The following OR9Q2 variants were observed in gnomAD, a reference collection of about 807,000 sequenced individuals.
The protein encoded by OR9Q2 is olfactory receptor 9Q2.
In OR9Q2, 2 loss-of-function variants were observed where a neutral mutation model predicts 2.3. The observed-to-expected ratio is 0.85, with a 90% CI of 0.35 to 2.68. The LOEUF (loss-of-function observed/expected upper bound fraction) is 2.68. Ranked by LOEUF, OR9Q2 falls within the 30% of genes most tolerant of loss-of-function variation. The pLI, the probability that OR9Q2 is intolerant of heterozygous loss-of-function variation, is 0.10. For missense variants in OR9Q2, 404 were observed against 395.7 expected, an observed-to-expected ratio of 1.02 and a Z score of -0.18; for synonymous variants, 178 against 158.6, an observed-to-expected ratio of 1.12 and a Z score of -0.92.
In OR9Q2 at chr11:58,192,962, T is replaced by G. The variant is rs1854778711; in HGVS notation, c.*1527T>G. On this transcript the variant is annotated 3_prime_UTR_variant, in exon 2 of 2. Coordinates refer to ENST00000641291, the MANE Select transcript of OR9Q2 (RefSeq NM_001005283.3). ...GGCACCAAAGTGTCCAGTCTGCCAC[T>G]TCTTAGCAGTGTGGCTTCAGATTAA... 6.6e-6 allele frequency: 1 copy of G among 152,240 alleles called. No individual in the cohort carries two copies. The highest frequency in any genetic ancestry group is 2.4e-5 in the African/African-American group (1 of 41,460). 9.4% of individuals were successfully genotyped at this position (152,240 alleles called of 1,614,324 possible). A position where few individuals can be genotyped will look rare whatever the true frequency, so the allele number is the denominator to read the frequency against.
rs750410861 is a variant in OR9Q2 at position 58,190,871 on chromosome 11, C to A, written c.381C>A (p.Cys127Ter). ...IMAYDRYTAVCQPLLYVTIIT... is the reference protein window; with the variant it reads ...IMAYDRYTAV Reference sequence around the variant, plus strand: ...CCTATGACCGCTACACGGCCGTGTGCCAGCCCCTGCTTTATGTCACCATCA... The same window carrying A: ...CCTATGACCGCTACACGGCCGTGTGACAGCCCCTGCTTTATGTCACCATCA... The change falls in exon 2 of 2, where the codon TGC becomes TGA. Residue 127 changes from cysteine (C) to a stop codon, truncating the protein, a stop_gained. Transcript: ENST00000641291. LOFTEE classifies it high-confidence loss of function. The A allele has an allele frequency of 1.9e-6, 3 of 1,614,232 alleles. No individual in the cohort carries two copies. The South Asian group carries it at 3.3e-5, about 18-fold the overall frequency.
At chr11:58,189,361 T>C (rs1428180313) in intron 1 of OR9Q2, among the ~76,000 whole-genome samples, 1 of 152,114 alleles carries the variant, frequency 6.6e-6, no homozygotes, top group African/African-American at 2.4e-5. Context: ...GTGGGTGAAC[T>C]AGAAGCCAGG....
rs1854769863 is a variant in OR9Q2 at position 58,191,984 on chromosome 11, G to A, written c.*549G>A. The A allele has an allele frequency of 6.6e-6, 1 of 152,222 alleles. No homozygotes were observed. Among genetic ancestry groups the A allele is most frequent in the African/African-American group, 2.4e-5 (1 of 41,548 alleles). The allele number at this position is 152,222 out of a possible 1,614,324, so 9.4% of individuals were successfully genotyped here. On this transcript the variant is annotated 3_prime_UTR_variant, in exon 2 of 2. Transcript: ENST00000641291. ...TTGATGAGTGAAGCAAGAATATTTG[G>A]AAAATTATAAAGCAGTCTACAAATA...
rs142589836 is a variant in OR9Q2, at chr11:58,192,538, GCCC to G, written c.*1105_*1107del. On this transcript the variant is annotated 3_prime_UTR_variant, in exon 2 of 2. Coordinates refer to ENST00000641291, the MANE Select transcript of OR9Q2 (RefSeq NM_001005283.3). ...GGCAGTCAACAAAATTCATTTTATA[GCCC>G]CTATGTTCTAGGATTGTATAATGTG... The G allele has an allele frequency of 1.3e-5, 2 of 151,142 alleles. No homozygotes were observed. Among genetic ancestry groups the G allele is most frequent in the Non-Finnish European group, 3.0e-5 (2 of 67,712 alleles). 9.4% of individuals were successfully genotyped at this position (151,142 alleles called of 1,614,324 possible).
rs12366153 is a variant in OR9Q2 at position 58,191,848 on chromosome 11, A to G, written c.*413A>G. 15,147 of 161,806 alleles carry G rather than the reference A, an allele frequency of 0.094. 789 individuals carry two copies. The highest frequency in any genetic ancestry group is 0.14 in the Middle Eastern group (43 of 304). The allele number at this position is 161,806 out of a possible 1,614,324, so 10.0% of individuals were successfully genotyped here. ...TCTTATCTGTCAAGTAGATTTATCT[A>G]CCTTATAGGACTATGGTTTTGAGGA... On this transcript the variant is annotated 3_prime_UTR_variant, in exon 2 of 2. Transcript: ENST00000641291.
In OR9Q2 at chr11:58,190,438, C is replaced by T. The variant is rs891385681; in HGVS notation, c.-53C>T. On this transcript the variant is annotated 5_prime_UTR_variant, in exon 2 of 2. Coordinates refer to ENST00000641291, the MANE Select transcript of OR9Q2 (RefSeq NM_001005283.3). ...TGAAATCATTTGAACTCCTCTTGAG[C>T]TGTCCCCTCATCTGGCTCTTGTCTT... The T allele has an allele frequency of 2.3e-5, 28 of 1,231,460 alleles. No individual in the cohort carries two copies. The highest frequency in any genetic ancestry group is 2.8e-5 in the Non-Finnish European group (24 of 846,558). 76.3% of individuals were successfully genotyped at this position (1,231,460 alleles called of 1,614,324 possible). A position where few individuals can be genotyped will look rare whatever the true frequency, so the allele number is the denominator to read the frequency against.
chr11:58,189,847 C>T (rs1475755790), intron 1 of OR9Q2, among the ~76,000 whole-genome samples: 1 of 152,166 alleles, frequency 6.6e-6, no homozygotes, highest in African/African-American at 2.4e-5. Flanking sequence ...TGTGTATACA[C>T]ACCCTTAATA....
chr11:58,189,323 G>A (rs1199078267), intron 1 of OR9Q2, among the ~76,000 whole-genome samples: 1 of 152,152 alleles, frequency 6.6e-6, no homozygotes, highest in Non-Finnish European at 1.5e-5. Context: ...GAGAGGAAAC[G>A]TGACTTGCCC....
rs757826869 is a variant in OR9Q2 at position 58,191,304 on chromosome 11, C to G, written c.814C>G (p.Arg272Gly). 1 of 1,613,956 alleles carries G rather than the reference C, an allele frequency of 6.2e-7. No individual in the cohort carries two copies. Among genetic ancestry groups the G allele is most frequent in the Non-Finnish European group, 8.5e-7 (1 of 1,179,996 alleles). The change falls in exon 2 of 2, where the codon CGA becomes GGA. Residue 272 changes from arginine (R) to glycine (G), a missense_variant. By Grantham distance (125) the Arg-to-Gly change is moderately radical. Coordinates refer to ENST00000641291, the MANE Select transcript of OR9Q2 (RefSeq NM_001005283.3). ...DNTGQSSEGDRVVSVLYTVVT... is the reference protein window; with the variant it reads ...DNTGQSSEGDGVVSVLYTVVT... Reference sequence around the variant, plus strand: ...CACAGGCCAGTCCTCCGAGGGAGACCGAGTGGTGTCTGTGCTCTACACGGT... The same window carrying G: ...CACAGGCCAGTCCTCCGAGGGAGACGGAGTGGTGTCTGTGCTCTACACGGT...
Position 58,190,543 on chromosome 11 carries a change from C to G in OR9Q2, c.53C>G (p.Thr18Ser), listed in dbSNP as rs1216792493. The G allele has an allele frequency of 3.7e-6, 6 of 1,614,180 alleles. No homozygotes were observed. In the South Asian group the frequency reaches 6.6e-5, roughly 18 times the overall value. ...ACGGAGTTCTTCCTTACTGCATTTA[C>G]TGAACATCTCCAGTGGAGGGTTCCT... ...VVTEFFLTAF[T>S]EHLQWRVPLF... is the part of the protein sequence containing the mutation. Residue 18 changes from threonine to serine, a missense_variant, in exon 2 of 2, where the codon ACT becomes AGT. By Grantham distance (58) the Thr-to-Ser change is moderately conservative (BLOSUM62 1). Transcript: ENST00000641291.
In OR9Q2 at chr11:58,194,017, T is replaced by G. The variant is rs1248625315; in HGVS notation, c.*2582T>G. 2 of 152,188 alleles carry G rather than the reference T, an allele frequency of 1.3e-5. No individual in the cohort carries two copies. The highest frequency in any genetic ancestry group is 2.4e-5 in the African/African-American group (1 of 41,440). The allele number at this position is 152,188 out of a possible 1,614,324, so 9.4% of individuals were successfully genotyped here. A position where few individuals can be genotyped will look rare whatever the true frequency, so the allele number is the denominator to read the frequency against. ...TTAAATATTCCTTTCCAAACACTGA[T>G]TATTGTTATTTATTACTATTAGCAT... On this transcript the variant is annotated 3_prime_UTR_variant, in exon 2 of 2. Coordinates refer to ENST00000641291, the MANE Select transcript of OR9Q2 (RefSeq NM_001005283.3).
chr11:58,190,146 CT>C (rs1439363188), intron 1 of OR9Q2, among the ~76,000 whole-genome samples, 172 bp from the exon 2 acceptor site: 1 of 152,152 alleles, frequency 6.6e-6, no homozygotes, highest in Non-Finnish European at 1.5e-5. Context: ...TTATGATCCT[CT>C]TTTGGCAGAG....
intron 1 of OR9Q2, 39 bp downstream of exon 1, chr11:58,189,147 G>T (rs1402053139): frequency 6.6e-6 from 1 of 152,126 alleles, no homozygotes; most frequent in Non-Finnish European, 1.5e-5. Context: ...TAGTGTCAGG[G>T]ATATATTGTT....
rs1174292261 is a variant in OR9Q2 at position 58,192,549 on chromosome 11, C to A, written c.*1114C>A. 1 of 151,904 alleles carries A rather than the reference C, an allele frequency of 6.6e-6. No individual in the cohort carries two copies. The highest frequency in any genetic ancestry group is 2.4e-5 in the African/African-American group (1 of 41,350). 9.4% of individuals were successfully genotyped at this position (151,904 alleles called of 1,614,324 possible). A position where few individuals can be genotyped will look rare whatever the true frequency, so the allele number is the denominator to read the frequency against. ...AAATTCATTTTATAGCCCCTATGTT[C>A]TAGGATTGTATAATGTGACTTTGTG... On this transcript the variant is annotated 3_prime_UTR_variant, in exon 2 of 2. Coordinates refer to ENST00000641291, the MANE Select transcript of OR9Q2 (RefSeq NM_001005283.3).
chr11:58,190,886 T>C lies in OR9Q2; in HGVS notation c.396T>C (p.Tyr132=), dbSNP rs1188808663. Residue 132 remains tyrosine, a synonymous_variant, in exon 2 of 2, where the codon TAT becomes TAC. Transcript: ENST00000641291. ...CGGCCGTGTGCCAGCCCCTGCTTTA[T>C]GTCACCATCATAACCGAGAAGGCCC... The part of the protein sequence containing the change: ...RYTAVCQPLL[Y]VTIITEKARW... The C allele has an allele frequency of 6.2e-7, 1 of 1,614,132 alleles. No individual in the cohort carries two copies. The highest frequency in any genetic ancestry group is 2.2e-5 in the East Asian group (1 of 44,886).
At position 58,190,858 on chromosome 11, in the gene OR9Q2, A is replaced by G; in HGVS notation, c.368A>G (p.Tyr123Cys). 6.2e-7 allele frequency: 1 copy of G among 1,614,110 alleles called. No individual in the cohort carries two copies. The highest frequency in any genetic ancestry group is 8.5e-7 in the Non-Finnish European group (1 of 1,180,014). Residue 123 changes from tyrosine (Y) to cysteine (C), a missense_variant, in exon 2 of 2, where the codon TAC (tyrosine) becomes TGC (cysteine). Coordinates refer to ENST00000641291, the MANE Select transcript of OR9Q2 (RefSeq NM_001005283.3). ...YLLAIMAYDR[Y>C]TAVCQPLLYV... ...CTGGCCATCATGGCCTATGACCGCT[A>G]CACGGCCGTGTGCCAGCCCCTGCTT...
Position 58,193,278 on chromosome 11 carries a change from C to T in OR9Q2, c.*1843C>T, listed in dbSNP as rs2120010643. ...TGAAGAACTGTCTGGAACAGTCCCT[C>T]CTGGGCCCAGATTAGCTCTAAACCT... On this transcript the variant is annotated 3_prime_UTR_variant, in exon 2 of 2. Transcript: ENST00000641291. 1 of 152,244 alleles carries T rather than the reference C, an allele frequency of 6.6e-6. No homozygotes were observed. Among genetic ancestry groups the T allele is most frequent in the Admixed American group, 6.5e-5 (1 of 15,292 alleles). The allele number at this position is 152,244 out of a possible 1,614,324, so 9.4% of individuals were successfully genotyped here.
rs1219051676 is a variant in OR9Q2 at position 58,192,066 on chromosome 11, CTT to C, written c.*633_*634del. The C allele has an allele frequency of 6.0e-5, 9 of 151,228 alleles. No individual in the cohort carries two copies. Among genetic ancestry groups the C allele is most frequent in the South Asian group, 4.2e-4 (2 of 4,802 alleles). 9.4% of individuals were successfully genotyped at this position (151,228 alleles called of 1,614,324 possible). ...AAATTTTGTCATTTATTCATTTATT[CTT>C]TCTTTTTTTATCTTCTTGTTTCTGT... is the stretch of plus-strand genomic sequence containing the variant. On this transcript the variant is annotated 3_prime_UTR_variant, in exon 2 of 2. Transcript: ENST00000641291.
At position 58,190,380 on chromosome 11, in the gene OR9Q2, C is replaced by A; in HGVS notation, c.-111C>A. The A allele has an allele frequency of 1.4e-6, 1 of 709,356 alleles. No homozygotes were observed. The highest frequency in any genetic ancestry group is 2.4e-6 in the Non-Finnish European group (1 of 411,554). 43.9% of individuals were successfully genotyped at this position (709,356 alleles called of 1,614,324 possible). ...AAAGTGTGTTGAAGTTGAGTGCCGA[C>A]ATGTAAGACATTCAATTTAAAGCTT... On this transcript the variant is annotated 5_prime_UTR_variant, in exon 2 of 2. Coordinates refer to ENST00000641291, the MANE Select transcript of OR9Q2 (RefSeq NM_001005283.3).
Sources: gnomAD v4.1 joint callset for allele counts (sites outside exome capture counted in the v4.1 genomes callset) on GRCh38, gnomAD v4.1.1 for gene constraint, MANE v1.5 for transcripts, NCBI Gene and HGNC (gene_info 2026-07-23, HGNC 2026-07-21) for gene names.